Variants in IKZF3 observed in about 807,000 individuals in gnomAD.
IKZF3 encodes IKAROS family zinc finger 3.
In IKZF3, 10 loss-of-function variants were observed where a neutral mutation model predicts 49.0. That is an observed-to-expected ratio of 0.20 (90% CI 0.13 to 0.35). The LOEUF (loss-of-function observed/expected upper bound fraction) is 0.35. Among genes scored for constraint, IKZF3 ranks in the 10% least tolerant of loss-of-function variants. The probability of loss-of-function intolerance (pLI) is 1.00; values close to 1 mark genes in which losing one functional copy is unlikely to be tolerated. For missense variants in IKZF3, 498 were observed against 664.8 expected (o/e 0.75, Z 2.76); for synonymous variants, 209 against 228.2 (o/e 0.92, Z 0.76).
chr17:39,849,762 T>C (rs1167459031), intron 1 of IKZF3, among the ~76,000 whole-genome samples: 1 of 151,940 alleles, frequency 6.6e-6, no homozygotes. Flanking sequence ...AGACACTCAA[T>C]GTAATTACTC....
chr17:39,856,068 GTATATTGTATATGTA>G (rs2063043415), intron 1 of IKZF3, among the ~76,000 whole-genome samples: 8 of 147,866 alleles, frequency 5.4e-5, no homozygotes, highest in African/African-American at 2.0e-4. Context: ...AATATAACAT[GTATATTGTATATGTA>G]CAATATAACA....
At chr17:39,797,402 A>G (rs1598037540) in intron 3 of IKZF3, among the ~76,000 whole-genome samples, 1 of 147,988 alleles carries the variant, frequency 6.8e-6, no homozygotes, top group Non-Finnish European at 1.5e-5. Flanking sequence ...GTTCTTCTGC[A>G]CTCCTATGTC....
intron 3 of IKZF3, among the ~76,000 whole-genome samples, chr17:39,803,166 C>A (rs1410100407): frequency 6.6e-6 from 1 of 152,122 alleles, no homozygotes; most frequent in Non-Finnish European, 1.5e-5. Flanking sequence ...AGGTATAATT[C>A]TTTATCTAGA....
chr17:39,818,730 T>G (rs538366863), intron 3 of IKZF3, among the ~76,000 whole-genome samples: 6 of 152,060 alleles, frequency 3.9e-5, no homozygotes, highest in Non-Finnish European at 7.3e-5. Context: ...TGATGGCACA[T>G]GCCTGTAGTC....
At chr17:39,770,536 C>T (rs2060411796) in intron 7 of IKZF3, among the ~76,000 whole-genome samples, 1 of 152,062 alleles carries the variant, frequency 6.6e-6, no homozygotes, top group Non-Finnish European at 1.5e-5. Context: ...TTCTAAGTGC[C>T]AACTTGGAAG....
chr17:39,784,661 C>T (rs986821387), intron 6 of IKZF3, among the ~76,000 whole-genome samples: 2 of 152,182 alleles, frequency 1.3e-5, no homozygotes, highest in Non-Finnish European at 2.9e-5. Context: ...CTCGGCCTCC[C>T]AAAGTGTCAG....
chr17:39,849,067 T>C (rs978158297), intron 1 of IKZF3, among the ~76,000 whole-genome samples: 1 of 152,188 alleles, frequency 6.6e-6, no homozygotes, highest in African/African-American at 2.4e-5. Flanking sequence ...AAGAATTCTA[T>C]TCATCAAATA....
At chr17:39,781,896 T>C (rs1167803078) in intron 6 of IKZF3, among the ~76,000 whole-genome samples, 1 of 152,218 alleles carries the variant, frequency 6.6e-6, no homozygotes, top group Non-Finnish European at 1.5e-5. Context: ...TTCTGCAGTG[T>C]TCATGGATGG....
chr17:39,841,891 T>C (rs1270385143), intron 1 of IKZF3, among the ~76,000 whole-genome samples: 1 of 151,440 alleles, frequency 6.6e-6, no homozygotes, highest in Non-Finnish European at 1.5e-5. Flanking sequence ...CAAAAAAATA[T>C]TAAAATTAGA....
At chr17:39,768,210 G>A (rs1304824476) in intron 7 of IKZF3, among the ~76,000 whole-genome samples, 4 of 152,210 alleles carry the variant, frequency 2.6e-5, no homozygotes, top group African/African-American at 4.8e-5. Context: ...GGTATAAATT[G>A]TATATTTAGG....
At chr17:39,834,265 T>C (rs1251871090) in intron 1 of IKZF3, among the ~76,000 whole-genome samples, 1 of 152,230 alleles carries the variant, frequency 6.6e-6, no homozygotes, top group Non-Finnish European at 1.5e-5. Context: ...ACAGTGAAAC[T>C]AGAACTTGTT....
At chr17:39,798,698 G>C (rs1441565990) in intron 3 of IKZF3, among the ~76,000 whole-genome samples, 1 of 151,986 alleles carries the variant, frequency 6.6e-6, no homozygotes, top group Non-Finnish European at 1.5e-5. Context: ...GTAGAGACAG[G>C]GTTTCACTGT....
At chr17:39,846,482 C>G (rs2062635067) in intron 1 of IKZF3, among the ~76,000 whole-genome samples, 1 of 147,188 alleles carries the variant, frequency 6.8e-6, no homozygotes, top group Admixed American at 6.8e-5. Flanking sequence ...TTTTAAGATA[C>G]CAAGGTTTTT....
intron 1 of IKZF3, among the ~76,000 whole-genome samples, chr17:39,833,196 C>T (rs1188483246): frequency 6.6e-6 from 1 of 152,138 alleles, no homozygotes; most frequent in African/African-American, 2.4e-5. Context: ...CAGTATACCT[C>T]AGTCCTAACA....
chr17:39,812,620 T>C (rs2061586322), intron 3 of IKZF3, among the ~76,000 whole-genome samples: 1 of 152,196 alleles, frequency 6.6e-6, no homozygotes, highest in African/African-American at 2.4e-5. Context: ...TTCCTCTAGC[T>C]ATCAAATGGC....
rs61749874 is a variant in IKZF3 at position 39,829,479 on chromosome 17, G to A, written c.71C>T (p.Ala24Val). ...GGTTAAACTGTAGTCATTCAAAACC[G>A]CTGCACTTTCTAAAAGATAAAAGGA... is the stretch of plus-strand genomic sequence containing the variant. ...QEQSVPAESA[A>V]VLNDYSLTKS... Residue 24 changes from alanine (A) to valine (V), a missense_variant, in exon 3 of 8, where the codon GCG becomes GTG. Transcript: ENST00000346872. 9.2e-4 allele frequency: 1,489 copies of A among 1,611,378 alleles called. 3 individuals carry two copies. The highest frequency in any genetic ancestry group is 2.8e-3 in the Middle Eastern group (17 of 6,062).
chr17:39,795,276 G>A (rs987622707), intron 3 of IKZF3, among the ~76,000 whole-genome samples: 1 of 152,232 alleles, frequency 6.6e-6, no homozygotes, highest in African/African-American at 2.4e-5. Context: ...TAAGGACACA[G>A]GGACAGGGCA....
At chr17:39,834,881 T>C (rs1319162418) in intron 1 of IKZF3, among the ~76,000 whole-genome samples, 1 of 152,206 alleles carries the variant, frequency 6.6e-6, no homozygotes, top group Non-Finnish European at 1.5e-5. Context: ...CTGTTCCCTA[T>C]ACTCCCCTGC....
At chr17:39,813,434 CA>C (rs1244299841) in intron 3 of IKZF3, among the ~76,000 whole-genome samples, 1 of 151,546 alleles carries the variant, frequency 6.6e-6, no homozygotes, top group Non-Finnish European at 1.5e-5. Context: ...TGATTGAGTC[CA>C]AAAGTTTGAG....
Sources: gnomAD v4.1 joint callset for allele counts (sites outside exome capture counted in the v4.1 genomes callset) on GRCh38, gnomAD v4.1.1 for gene constraint, MANE v1.5 for transcripts, NCBI Gene and HGNC (gene_info 2026-07-23, HGNC 2026-07-21) for gene names.